Variants in PDPK1 observed in about 807,000 individuals in gnomAD.
PDPK1 encodes 3-phosphoinositide dependent protein kinase 1, also known as 3-phosphoinositide-dependent protein kinase 1.
A neutral mutation model predicts 39.8 loss-of-function variants in PDPK1; 7 were observed. The observed-to-expected ratio is 0.18, with a 90% CI of 0.10 to 0.33. The LOEUF (loss-of-function observed/expected upper bound fraction) is 0.33. PDPK1 is among the 10% of genes least tolerant of loss of function. PDPK1 has a pLI of 1.00. For synonymous variants in PDPK1, 118 were observed against 159.1 expected (o/e 0.74, Z 1.95); for missense variants, 182 against 384.7 (o/e 0.47, Z 4.41).
intron 11 of PDPK1, among the ~76,000 whole-genome samples, chr16:2,590,746 C>G (rs1384241716): frequency 6.6e-6 from 1 of 152,320 alleles, no homozygotes; most frequent in East Asian, 1.9e-4. Flanking sequence ...AAACTTTATT[C>G]ATTACTGTGA....
chr16:2,589,256 A>G (rs1470687241), intron 11 of PDPK1, among the ~76,000 whole-genome samples: 1 of 152,164 alleles, frequency 6.6e-6, no homozygotes, highest in Non-Finnish European at 1.5e-5. Context: ...GCGCCAGCCA[A>G]TGTATGCATT....
At position 2,580,266 on chromosome 16, in the gene PDPK1, G is replaced by A. The variant is rs1417719823; in HGVS notation, c.786-1029G>A. 3.3e-4 allele frequency among the ~76,000 whole-genome samples: 47 copies of A among 144,518 alleles called. 1 individual carries two copies. The highest frequency in any genetic ancestry group is 5.4e-4 in the Admixed American group (8 of 14,750). The allele number at this position is 144,518 out of a possible 152,430, so 94.8% of individuals were successfully genotyped here. On this transcript the variant is annotated intron_variant, in intron 7 of 13. Transcript: ENST00000342085. Reference sequence around the variant, plus strand: ...TGGGCCTGTTTCTGTACTGTTGTGCGTTGAAGGGGTTTCCATGGATTCACA... The same window carrying A: ...TGGGCCTGTTTCTGTACTGTTGTGCATTGAAGGGGTTTCCATGGATTCACA...
rs1488002746 is a variant in PDPK1, at chr16:2,551,521, C to G, written c.25-6182C>G. Among the ~76,000 whole-genome samples, 8 of 151,102 alleles carry G rather than the reference C, an allele frequency of 5.3e-5. No homozygotes were observed. In the Admixed American group the frequency reaches 5.4e-4, roughly 10 times the overall value. On this transcript the variant is annotated intron_variant, in intron 1 of 13. Coordinates refer to ENST00000342085, the MANE Select transcript of PDPK1 (RefSeq NM_002613.5). ...GTGCGGGCGCTGGCTCTACCTGTCG[C>G]ACTGCATTCCCAGGCTCCAGAGCAC... is the stretch of plus-strand genomic sequence containing the variant.
rs2066193723 is a variant in PDPK1 at position 2,539,072 on chromosome 16, A to C, written c.24+936A>C. The C allele has an allele frequency of 2.2e-5, 4 of 184,514 alleles. No homozygotes were observed. The South Asian group carries it at 2.8e-4, about 13-fold the overall frequency. The allele number at this position is 184,514 out of a possible 1,614,324, so 11.4% of individuals were successfully genotyped here. Reference sequence around the variant, plus strand: ...TTTAATTGATCCCGTGTCTTCCAGGATGCGGCTTTTTTTTTTTTTTTTTTT... The same window carrying C: ...TTTAATTGATCCCGTGTCTTCCAGGCTGCGGCTTTTTTTTTTTTTTTTTTT... On this transcript the variant is annotated intron_variant, in intron 1 of 13. Transcript: ENST00000342085.
rs1272589968 is a variant in PDPK1, at chr16:2,597,727, G to A, written c.1631G>A (p.Arg544Lys). Residue 544 changes from arginine (R) to lysine (K), a missense_variant, in exon 14 of 14, where the codon AGG becomes AAG. Coordinates refer to ENST00000342085, the MANE Select transcript of PDPK1 (RefSeq NM_002613.5). This position sits in a 1 kb window ranked among gnomAD's most constrained non-coding sequence, Gnocchi z 6.3. ...KWCRKIQEVW[R>K]QRYQSHPDAA... Reference sequence around the variant, plus strand: ...TGCAGGAAGATCCAGGAGGTTTGGAGGCAGCGATACCAGAGCCACCCGGAC... The same window carrying A: ...TGCAGGAAGATCCAGGAGGTTTGGAAGCAGCGATACCAGAGCCACCCGGAC... 1.2e-6 allele frequency: 2 copies of A among 1,613,368 alleles called. No individual in the cohort carries two copies. Among genetic ancestry groups the A allele is most frequent in the Non-Finnish European group, 1.7e-6 (2 of 1,180,008 alleles).
chr16:2,586,756 G>T lies in PDPK1; in HGVS notation c.1206G>T (p.Thr402=), dbSNP rs75077217. The T allele has an allele frequency of 6.2e-6, 10 of 1,614,170 alleles. No individual in the cohort carries two copies. Among genetic ancestry groups the T allele is most frequent in the Middle Eastern group, 1.6e-4 (1 of 6,062 alleles). Residue 402 remains threonine, a synonymous_variant, in exon 11 of 14, where the codon ACG becomes ACT. Coordinates refer to ENST00000342085, the MANE Select transcript of PDPK1 (RefSeq NM_002613.5). ...CACACTCCCTGTCAGCCTCCGACAC[G>T]GGCCTGCCCCAGAGGTCAGGCAGCA... is the stretch of plus-strand genomic sequence containing the variant. ...SSSHSLSASD[T]GLPQRSGSNI...
rs2142017229 is a variant in PDPK1 at position 2,600,275 on chromosome 16, T to C, written c.*2508T>C. ...AAGATGAGGAAGATTTCACCTGCTG[T>C]TTAATAGACTTGGGGCCATGTGCCT... On this transcript the variant is annotated 3_prime_UTR_variant, in exon 14 of 14. Coordinates refer to ENST00000342085, the MANE Select transcript of PDPK1 (RefSeq NM_002613.5). The C allele has an allele frequency of 4.3e-6, 1 of 233,506 alleles. No homozygotes were observed. Among genetic ancestry groups the C allele is most frequent in the Non-Finnish European group, 8.5e-6 (1 of 118,186 alleles). 14.5% of individuals were successfully genotyped at this position (233,506 alleles called of 1,614,324 possible).
chr16:2,546,264 A>G (rs1277044682), intron 1 of PDPK1, among the ~76,000 whole-genome samples: 5 of 150,762 alleles, frequency 3.3e-5, no homozygotes, highest in African/African-American at 1.2e-4. Context: ...TTGTGTTTTT[A>G]GTAGAGACGG....
Position 2,595,858 on chromosome 16 carries a change from G to A in PDPK1, c.1401+8G>A, listed in dbSNP as rs757520748. On this transcript the variant is annotated splice_region_variant and intron_variant, in intron 12 of 13. Transcript: ENST00000342085. ...CCAGTGGATAAGCGGAAGGTGAGTGGTCAGTGGTCCCGCTGCTCCGCACGG... is the reference window on the plus strand; with the variant it reads ...CCAGTGGATAAGCGGAAGGTGAGTGATCAGTGGTCCCGCTGCTCCGCACGG... The A allele has an allele frequency of 1.1e-5, 18 of 1,610,488 alleles. No homozygotes were observed. Among genetic ancestry groups the A allele is most frequent in the Non-Finnish European group, 1.4e-5 (17 of 1,176,756 alleles).
chr16:2,556,357 ATTTTTTTT>A (rs1174100741), intron 1 of PDPK1, among the ~76,000 whole-genome samples: 25 of 86,214 alleles, frequency 2.9e-4, no homozygotes, highest in Non-Finnish European at 5.4e-4. Flanking sequence ...CGCCCGGCCT[ATTTTTTTT>A]TTTTTTTTTT....
chr16:2,592,884 G>A (rs749068750), intron 11 of PDPK1: 10 of 456,556 alleles, frequency 2.2e-5, no homozygotes, highest in African/African-American at 6.0e-5. Context: ...TGGCGCGGGG[G>A]TGGGTGGCGC....
At chr16:2,546,021 T>G (rs1473345800) in intron 1 of PDPK1, among the ~76,000 whole-genome samples, 3 of 152,198 alleles carry the variant, frequency 2.0e-5, no homozygotes, top group Admixed American at 6.5e-5. Context: ...CATTGTTTCC[T>G]TGTTAGATTA....
rs574494450 is a variant in PDPK1, at chr16:2,577,896, G to A, written c.785+396G>A. ...TGGGACTACAGGCGCACGCCACCAC[G>A]TCCAGCTGATTGTTGTATTTTTGGT... On this transcript the variant is annotated intron_variant, in intron 7 of 13. Transcript: ENST00000342085. Among the ~76,000 whole-genome samples, 7 of 148,786 alleles carry A rather than the reference G, an allele frequency of 4.7e-5. No homozygotes were observed. In the South Asian group the frequency reaches 1.1e-3, roughly 22 times the overall value.
chr16:2,587,438 TC>T (rs1208917579), intron 11 of PDPK1, among the ~76,000 whole-genome samples: 1 of 152,234 alleles, frequency 6.6e-6, no homozygotes, highest in African/African-American at 2.4e-5. Context: ...GGCAGATGTC[TC>T]CTGTGTTCAT....
Position 2,597,205 on chromosome 16 carries a change from A to G in PDPK1, c.1484A>G (p.Lys495Arg). Residue 495 changes from lysine to arginine, a missense_variant, in exon 13 of 14, where the codon AAA (lysine) becomes AGA (arginine). By Grantham distance (26) the Lys-to-Arg change is conservative. This residue lies in a region of PDPK1 where 67 missense variants were observed against 87.8 expected (regional missense o/e 0.76). Transcript: ENST00000342085. This position sits in a 1 kb window ranked among gnomAD's most constrained non-coding sequence, Gnocchi z 6.3. ...YYVDPVNKVL[K>R]GEIPWSQELR... ...GTGGATCCTGTCAACAAAGTTCTGA[A>G]AGGTGAAATTCCTTGGTCACAAGAA... is the stretch of plus-strand genomic sequence containing the variant. The G allele has an allele frequency of 6.3e-7, 1 of 1,595,600 alleles. No individual in the cohort carries two copies. Among genetic ancestry groups the G allele is most frequent in the Non-Finnish European group, 8.6e-7 (1 of 1,164,676 alleles).
At chr16:2,579,952 G>GAA (rs1365837063) in intron 7 of PDPK1, 1 of 142,882 alleles carries the variant, frequency 7.0e-6, no homozygotes, top group Non-Finnish European at 1.5e-5. Context: ...AAAGAAAAAA[G>GAA]AAAAAAAAGA....
At chr16:2,592,688 A>T in intron 11 of PDPK1, 1 of 418,384 alleles carries the variant, frequency 2.4e-6, no homozygotes, top group Non-Finnish European at 4.7e-6. Context: ...AAAAAAAAAA[A>T]TCAAGGTGAT....
intron 1 of PDPK1, among the ~76,000 whole-genome samples, chr16:2,543,784 C>T (rs543435274): frequency 6.6e-6 from 1 of 152,148 alleles, no homozygotes; most frequent in Non-Finnish European, 1.5e-5. Context: ...TGCAGTGGCA[C>T]GATCTCGGCT....
At chr16:2,594,033 GC>G (rs2067048354) in intron 11 of PDPK1, 1 of 152,476 alleles carries the variant, frequency 6.6e-6, no homozygotes, top group East Asian at 1.9e-4. Context: ...GTGAGGCCAG[GC>G]CCTGGGTCCT....
Sources: gnomAD v4.1 joint callset for allele counts (sites outside exome capture counted in the v4.1 genomes callset) on GRCh38, gnomAD v4.1.1 for gene constraint, gnomAD v4.1.1 regional missense constraint, Gnocchi (gnomAD v3.1) non-coding constraint, MANE v1.5 for transcripts, NCBI Gene and HGNC (gene_info 2026-07-23, HGNC 2026-07-21) for gene names.